The following KIF27 variants were observed in gnomAD, a reference collection of about 807,000 sequenced individuals.
The protein encoded by KIF27 is kinesin-like protein KIF27.
KIF27 carries 84 observed loss-of-function variants against 141.8 expected under a neutral mutation model. The observed-to-expected ratio is 0.59, with a 90% CI of 0.50 to 0.71. The LOEUF (loss-of-function observed/expected upper bound fraction) is 0.71, where lower values mean the gene tolerates loss of function less well. Among genes scored for constraint, KIF27 ranks in the 30% least tolerant of loss-of-function variants. The pLI, the probability that KIF27 is intolerant of heterozygous loss-of-function variation, is 0.00. For missense variants in KIF27, 1,306 were observed against 1,628.4 expected (o/e 0.80, Z 3.41); for synonymous variants, 471 against 569.5 (o/e 0.83, Z 2.46).
At chr9:83,850,578 C>T (rs529042717) in intron 15 of KIF27, among the ~76,000 whole-genome samples, 89 of 151,736 alleles carry the variant, frequency 5.9e-4, no homozygotes, top group Non-Finnish European at 1.1e-3. Context: ...GTGAGGAGTT[C>T]GAGACCAACC....
chr9:83,920,271 A>G (rs368765850), intron 1 of KIF27, among the ~76,000 whole-genome samples: 4 of 152,202 alleles, frequency 2.6e-5, no homozygotes, highest in African/African-American at 9.7e-5. Flanking sequence ...GGGCTTGTAA[A>G]ACATCAATAT....
intron 11 of KIF27, 77 bp downstream of exon 11, chr9:83,880,220 T>G: frequency 6.3e-7 from 1 of 1,595,614 alleles, no homozygotes; most frequent in South Asian, 1.1e-5. Flanking sequence ...GCCAACTGAA[T>G]GAAGACCATG....
chr9:83,875,938 A>G (rs1168829868), intron 11 of KIF27, among the ~76,000 whole-genome samples: 3 of 152,132 alleles, frequency 2.0e-5, no homozygotes, highest in African/African-American at 4.8e-5. Flanking sequence ...AAGGGATGGG[A>G]AAAAGGTTGA....
In KIF27 at chr9:83,903,669, G is replaced by C. The variant is rs140475602; in HGVS notation, c.849C>G (p.Asp283Glu). 1 of 1,614,032 alleles carries C rather than the reference G, an allele frequency of 6.2e-7. No individual in the cohort carries two copies. Among genetic ancestry groups the C allele is most frequent in the Non-Finnish European group, 8.5e-7 (1 of 1,179,988 alleles). ...ALGNVISALG[D>E]PRRKSSHIPY... ...GAATATGTGAACTCTTCCTGCGTGG[G>C]TCCCCAAGAGCGCTTATTACATTTC... Residue 283 changes from aspartate (D) to glutamate (E), a missense_variant, in exon 4 of 18, where the codon GAC becomes GAG. Asp to Glu is a conservative substitution (Grantham distance 45, BLOSUM62 2). Around this residue, in one of 4 missense-constraint regions of KIF27, gnomAD observed 533 missense variants for 565.6 expected, o/e 0.94. Coordinates refer to ENST00000297814, the MANE Select transcript of KIF27 (RefSeq NM_017576.4).
intron 11 of KIF27, among the ~76,000 whole-genome samples, chr9:83,872,269 G>T (rs1950858516): frequency 6.6e-6 from 1 of 152,194 alleles, no homozygotes; most frequent in East Asian, 1.9e-4. Context: ...AGCTGAGATC[G>T]CGCCACTGCA....
chr9:83,891,642 T>G, intron 5 of KIF27, 141 bp from the exon 6 acceptor site: 1 of 833,424 alleles, frequency 1.2e-6, no homozygotes, highest in Non-Finnish European at 1.8e-6. Context: ...AGACTAGCTC[T>G]CTGGTGTTCA....
At chr9:83,907,353 A>C (rs1954669854) in intron 3 of KIF27, among the ~76,000 whole-genome samples, 1 of 150,568 alleles carries the variant, frequency 6.6e-6, no homozygotes, top group Non-Finnish European at 1.5e-5. Flanking sequence ...ATGTACATAG[A>C]AAAATAATTC....
chr9:83,845,517 C>G (rs958562596), intron 16 of KIF27, among the ~76,000 whole-genome samples: 5 of 152,198 alleles, frequency 3.3e-5, no homozygotes, highest in African/African-American at 1.2e-4. Context: ...TGGGGAGTTC[C>G]CTATGATCAG....
chr9:83,854,458 T>A (rs1948957961), intron 14 of KIF27, among the ~76,000 whole-genome samples: 1 of 152,212 alleles, frequency 6.6e-6, no homozygotes, highest in Non-Finnish European at 1.5e-5. Flanking sequence ...TATGAAATGT[T>A]ATTAGAAGGA....
rs1588230605 is a variant in KIF27 at position 83,897,981 on chromosome 9, C to G, written c.1602+1680G>C. Among the ~76,000 whole-genome samples the G allele has an allele frequency of 3.3e-5, 5 of 152,156 alleles. No homozygotes were observed. The East Asian group carries it at 9.7e-4, about 29-fold the overall frequency. On this transcript the variant is annotated intron_variant, in intron 5 of 17. Transcript: ENST00000297814. Reference sequence around the variant, plus strand: ...GCACATGGAACAGTGAGAATGCTCACATGGAATAGTGAGAATGCTGGGTGG... The same window carrying G: ...GCACATGGAACAGTGAGAATGCTCAGATGGAATAGTGAGAATGCTGGGTGG...
chr9:83,867,375 G>GATCTATCT (rs113545887), intron 13 of KIF27, among the ~76,000 whole-genome samples: 177 of 148,044 alleles, frequency 1.2e-3, no homozygotes, highest in African/African-American at 3.7e-3. Context: ...TACAGAGATA[G>GATCTATCT]ATCTATCTAT....
In KIF27 at chr9:83,837,036, C is replaced by T. The variant is rs375179706; in HGVS notation, c.4171G>A (p.Glu1391Lys). Residue 1391 changes from glutamate to lysine, a missense_variant, in exon 18 of 18, where the codon GAA becomes AAA. Transcript: ENST00000297814. The part of the protein sequence containing the change: ...GIGSMAADSI[E>K]VSRKPRDLKT ...AAGTCCCTTGGTTTCCTAGATACTT[C>T]GATGGAATCAGCAGCCATTGATCCA... 17 of 1,613,818 alleles carry T rather than the reference C, an allele frequency of 1.1e-5. No individual in the cohort carries two copies. The African/African-American group carries it at 1.2e-4, about 11-fold the overall frequency.
At chr9:83,874,012 A>G (rs1951010446) in intron 11 of KIF27, among the ~76,000 whole-genome samples, 1 of 151,528 alleles carries the variant, frequency 6.6e-6, no homozygotes, top group South Asian at 2.1e-4. Context: ...AGATCACACC[A>G]CTGCACTCCA....
rs141746868 is a variant in KIF27, at chr9:83,867,843, C to A, written c.2775G>T (p.Lys925Asn). The A allele has an allele frequency of 2.5e-5, 40 of 1,582,726 alleles. No homozygotes were observed. The African/African-American group carries it at 5.1e-4, about 20-fold the overall frequency. The change falls in exon 13 of 18, where the codon AAG becomes AAT. Residue 925 changes from lysine to asparagine, a missense_variant. Lys to Asn is a moderately conservative substitution (Grantham distance 94). This residue lies in a region of KIF27 where 596 missense variants were observed against 751.6 expected (regional missense o/e 0.79). Transcript: ENST00000297814. ...TCTCTACTTCTTCATCTAACCATTT[C>A]TTTTGCTCATCCAATTTCTACATTA... ...IDHLQKLDEQ[K>N]KWLDEEVEKV...
intron 2 of KIF27, among the ~76,000 whole-genome samples, chr9:83,909,856 A>C (rs1162095930): frequency 6.6e-6 from 1 of 152,070 alleles, no homozygotes; most frequent in Non-Finnish European, 1.5e-5. Flanking sequence ...TGAGCTAAGA[A>C]GTTTGAGACA....
At chr9:83,861,640 T>C (rs377093452) in intron 13 of KIF27, among the ~76,000 whole-genome samples, 2 of 151,628 alleles carry the variant, frequency 1.3e-5, no homozygotes, top group African/African-American at 2.4e-5. Context: ...AATAAACATA[T>C]GTGTGCATGT....
In KIF27 at chr9:83,903,062, G is replaced by T; in HGVS notation, c.1456C>A (p.Gln486Lys). ...LQLKRELKKC[Q>K]CVLAADEVVF... Reference sequence around the variant, plus strand: ...ATAAATAAGTGATGTCTAAGTACCTGGCATTTCTTAAGCTCTCTCTTCAGC... The same window carrying T: ...ATAAATAAGTGATGTCTAAGTACCTTGCATTTCTTAAGCTCTCTCTTCAGC... The change falls in exon 4 of 18, where the codon CAG (glutamine) becomes AAG (lysine). Residue 486 changes from glutamine to lysine, a missense_variant and splice_region_variant. By Grantham distance (53) the Gln-to-Lys change is moderately conservative. This residue lies in a region of KIF27 where 29 missense variants were observed against 60.3 expected (regional missense o/e 0.48). Coordinates refer to ENST00000297814, the MANE Select transcript of KIF27 (RefSeq NM_017576.4). The T allele has an allele frequency of 1.3e-6, 2 of 1,584,880 alleles. No homozygotes were observed. Among genetic ancestry groups the T allele is most frequent in the Non-Finnish European group, 1.7e-6 (2 of 1,158,284 alleles).
At chr9:83,841,300 A>C (rs1052759364) in intron 17 of KIF27, among the ~76,000 whole-genome samples, 47 of 152,220 alleles carry the variant, frequency 3.1e-4, no homozygotes, top group Middle Eastern at 6.8e-3. Flanking sequence ...CGAACTCCTA[A>C]CCTCCGGTGA....
At chr9:83,904,090 G>C in intron 3 of KIF27, 72 bp from the exon 4 acceptor site, 1 of 1,194,164 alleles carries the variant, frequency 8.4e-7, no homozygotes, top group Non-Finnish European at 1.2e-6. Context: ...GTTACCATTT[G>C]CTAAACAGCC....
Sources: gnomAD v4.1 joint callset for allele counts (sites outside exome capture counted in the v4.1 genomes callset) on GRCh38, gnomAD v4.1.1 for gene constraint, gnomAD v4.1.1 regional missense constraint, MANE v1.5 for transcripts, NCBI Gene and HGNC (gene_info 2026-07-23, HGNC 2026-07-21) for gene names.